The following KMT2E variants were observed in gnomAD, a reference collection of about 807,000 sequenced individuals.
KMT2E encodes the protein lysine methyltransferase 2E (inactive).
A neutral mutation model predicts 184.6 loss-of-function variants in KMT2E; 30 were observed. The ratio of observed to expected loss-of-function variants is 0.16; its 90% CI spans 0.12 to 0.22. The LOEUF (loss-of-function observed/expected upper bound fraction) is 0.22. Among genes scored for constraint, KMT2E ranks in the 10% least tolerant of loss-of-function variants. The pLI, the probability that KMT2E is intolerant of heterozygous loss-of-function variation, is 1.00. For missense variants in KMT2E, 2,023 were observed against 2,237.4 expected, an observed-to-expected ratio of 0.90 and a Z score of 1.93; for synonymous variants, 815 against 776.5, an observed-to-expected ratio of 1.05 and a Z score of -0.82.
intron 3 of KMT2E, among the ~76,000 whole-genome samples, chr7:105,054,242 A>T (rs1414892759): frequency 6.6e-6 from 1 of 151,046 alleles, no homozygotes; most frequent in Admixed American, 6.6e-5. Flanking sequence ...ACTTTTGTTG[A>T]TAGTGTAATT....
At position 105,074,743 on chromosome 7, in the gene KMT2E, A is replaced by C; in HGVS notation, c.657A>C (p.Arg219Ser). 6.2e-7 allele frequency: 1 copy of C among 1,611,364 alleles called. No individual in the cohort carries two copies. The highest frequency in any genetic ancestry group is 8.5e-7 in the Non-Finnish European group (1 of 1,179,008). ...CATCAATTACTTTAACTGCTTCAAG[A>C]GTTTCCAAAGTTAATGATAAAAGAA... ...TPTSITLTAS[R>S]VSKVNDKRRK... The change falls in exon 8 of 27, where the codon AGA (arginine) becomes AGC (serine). Residue 219 changes from arginine (R) to serine (S), a missense_variant. Around this residue, in one of 8 missense-constraint regions of KMT2E, gnomAD observed 191 missense variants for 209.0 expected, o/e 0.91. Transcript: ENST00000311117.
intron 1 of KMT2E, among the ~76,000 whole-genome samples, chr7:105,030,153 T>C (rs1261368626): frequency 1.3e-5 from 2 of 152,224 alleles, no homozygotes; most frequent in East Asian, 1.9e-4. Flanking sequence ...GTGCATTCTT[T>C]AGGAGGTTAA....
intron 1 of KMT2E, among the ~76,000 whole-genome samples, chr7:105,016,371 C>A (rs1562870017): frequency 6.6e-6 from 1 of 152,180 alleles, no homozygotes. Flanking sequence ...ATACTATCAT[C>A]ATTATGTAAG....
intron 13 of KMT2E, among the ~76,000 whole-genome samples, chr7:105,085,915 G>A (rs1052605067): frequency 2.0e-4 from 30 of 152,018 alleles, no homozygotes; most frequent in Admixed American, 1.4e-3. Flanking sequence ...CTCATGGTCC[G>A]CCCGCCTCGG....
intron 3 of KMT2E, among the ~76,000 whole-genome samples, chr7:105,061,459 A>G (rs1329177183): frequency 6.6e-6 from 1 of 152,214 alleles, no homozygotes; most frequent in Non-Finnish European, 1.5e-5. Context: ...GTTGATCAAT[A>G]GGAATTAACC....
chr7:105,097,568 G>C (rs1798464841), intron 15 of KMT2E, among the ~76,000 whole-genome samples: 1 of 152,018 alleles, frequency 6.6e-6, no homozygotes. Context: ...TGTATCTTTA[G>C]TAGAGATGGG....
intron 1 of KMT2E, among the ~76,000 whole-genome samples, chr7:105,019,653 A>C (rs1221724975): frequency 6.6e-6 from 1 of 152,182 alleles, no homozygotes; most frequent in Non-Finnish European, 1.5e-5. Context: ...TTTAGAAAGG[A>C]TCTGCATGCA....
intron 6 of KMT2E, among the ~76,000 whole-genome samples, chr7:105,071,600 ATATATATATTTTTTTTTT>A (rs1797312691): frequency 1.5e-5 from 1 of 66,146 alleles, no homozygotes; most frequent in African/African-American, 6.5e-5. Context: ...ATATATATAT[ATATATATATTTTTTTTTT>A]TTTTTTTTTT....
chr7:105,021,538 T>A (rs532711958), intron 1 of KMT2E, among the ~76,000 whole-genome samples: 1 of 152,322 alleles, frequency 6.6e-6, no homozygotes, highest in Admixed American at 6.5e-5. Flanking sequence ...TAGGGAAATC[T>A]CACATAATTT....
At chr7:105,037,103 A>G (rs550578964) in intron 1 of KMT2E, among the ~76,000 whole-genome samples, 10 of 152,132 alleles carry the variant, frequency 6.6e-5, no homozygotes, top group Admixed American at 1.3e-4. Context: ...AATTATTTCC[A>G]TTAGTAATTA....
intron 5 of KMT2E, among the ~76,000 whole-genome samples, chr7:105,064,317 C>T (rs1009675970): frequency 6.6e-6 from 1 of 151,784 alleles, no homozygotes; most frequent in Non-Finnish European, 1.5e-5. Context: ...TTGTAGAGAG[C>T]AAGAAAGTTG....
In KMT2E at chr7:105,113,290, C is replaced by T. The variant is rs762836849; in HGVS notation, c.5534C>T (p.Pro1845Leu). Reference sequence around the variant, plus strand: ...ATTCCAATTCACAGAGCACAGGTGCCACCAACATTTCAAAACAATTACCAT... The same window carrying T: ...ATTCCAATTCACAGAGCACAGGTGCTACCAACATTTCAAAACAATTACCAT... ...GQIPIHRAQV[P>L]PTFQNNYHGS... Residue 1845 changes from proline (P) to leucine (L), a missense_variant, in exon 27 of 27, where the codon CCA becomes CTA. Transcript: ENST00000311117. The T allele has an allele frequency of 6.2e-7, 1 of 1,613,540 alleles. No homozygotes were observed. Among genetic ancestry groups the T allele is most frequent in the Non-Finnish European group, 8.5e-7 (1 of 1,179,524 alleles).
chr7:105,019,659 A>T (rs1330690031), intron 1 of KMT2E, among the ~76,000 whole-genome samples: 1 of 152,220 alleles, frequency 6.6e-6, no homozygotes, highest in Non-Finnish European at 1.5e-5. Context: ...AAGGATCTGC[A>T]TGCAGGTCAA....
In KMT2E at chr7:105,067,550, C is replaced by T. The variant is rs114527844; in HGVS notation, c.497+743C>T. 8.0e-3 allele frequency among the ~76,000 whole-genome samples: 1,225 copies of T among 152,292 alleles called. 25 individuals carry two copies. The highest frequency in any genetic ancestry group is 0.028 in the African/African-American group (1,176 of 41,556). The stretch of plus-strand genomic sequence containing the variant: ...CCATCTATACTGCCATGTGTTTCTT[C>T]TCCCTTTACATGTTGTTTTAAGGCA... On this transcript the variant is annotated intron_variant, in intron 6 of 26. Transcript: ENST00000311117.
intron 15 of KMT2E, among the ~76,000 whole-genome samples, chr7:105,099,400 T>G (rs1798560461): frequency 6.6e-6 from 1 of 152,230 alleles, no homozygotes; most frequent in African/African-American, 2.4e-5. Context: ...TTGGACCACA[T>G]TATTTTTTAA....
At chr7:105,071,492 G>A (rs1260712643) in intron 6 of KMT2E, among the ~76,000 whole-genome samples, 42 of 147,748 alleles carry the variant, frequency 2.8e-4, no homozygotes, top group Non-Finnish European at 3.0e-5. Context: ...TCAGCCTGCC[G>A]AGTAGCTGGA....
At chr7:105,073,722 G>A in intron 7 of KMT2E, 45 bp downstream of exon 7, 1 of 1,134,136 alleles carries the variant, frequency 8.8e-7, no homozygotes, top group Non-Finnish European at 1.3e-6. Context: ...GTGTGATTGA[G>A]AGAATAAACG....
At chr7:105,059,881 TATTA>T (rs1015764139) in intron 3 of KMT2E, among the ~76,000 whole-genome samples, 3 of 151,820 alleles carry the variant, frequency 2.0e-5, no homozygotes, top group African/African-American at 7.2e-5. Flanking sequence ...AATCAGCATG[TATTA>T]ATTTTGAAAT....
chr7:105,069,782 T>C (rs2129567643), intron 6 of KMT2E, among the ~76,000 whole-genome samples: 1 of 152,316 alleles, frequency 6.6e-6, no homozygotes, highest in South Asian at 2.1e-4. Flanking sequence ...AACATTCCTG[T>C]CACTGCCAGG....
Sources: allele counts gnomAD v4.1 joint callset (sites outside exome capture counted in the v4.1 genomes callset), GRCh38; gene constraint gnomAD v4.1.1; regional missense constraint gnomAD v4.1.1; transcripts MANE v1.5; gene names NCBI Gene and HGNC (gene_info 2026-07-23, HGNC 2026-07-21).